LHFPL3: variants seen among roughly 807,000 people sequenced by gnomAD.
LHFPL3 encodes the protein LHFPL tetraspan subfamily member 3.
A neutral mutation model predicts 19.3 loss-of-function variants in LHFPL3; 5 were observed. That is an observed-to-expected ratio of 0.26 (90% CI 0.14 to 0.54). The LOEUF (loss-of-function observed/expected upper bound fraction) is 0.54, where lower values mean the gene tolerates loss of function less well. Ranked by LOEUF, LHFPL3 falls within the 20% of genes least tolerant of loss-of-function variation. The probability of loss-of-function intolerance (pLI) is 0.94; values close to 1 mark genes in which losing one functional copy is unlikely to be tolerated. For missense variants in LHFPL3, 249 were observed against 307.4 expected, an observed-to-expected ratio of 0.81 and a Z score of 1.42; for synonymous variants, 133 against 126.2, an observed-to-expected ratio of 1.05 and a Z score of -0.36.
At chr7:104,775,253 A>G (rs4236577) in intron 2 of LHFPL3, among the ~76,000 whole-genome samples, 122,804 of 151,612 alleles carry the variant, frequency 0.81, 49,864 homozygotes, top group East Asian at 0.88. Flanking sequence ...AAAATTAGCC[A>G]GGCATTGTGG....
intron 1 of LHFPL3, among the ~76,000 whole-genome samples, chr7:104,439,953 A>AACC (rs1410371228): frequency 6.6e-6 from 1 of 150,902 alleles, no homozygotes; most frequent in Non-Finnish European, 1.5e-5. Context: ...AAGGAGCTAC[A>AACC]ACCACCACCA....
At chr7:104,576,783 A>G (rs1487172566) in intron 1 of LHFPL3, among the ~76,000 whole-genome samples, 2 of 152,202 alleles carry the variant, frequency 1.3e-5, no homozygotes, top group African/African-American at 4.8e-5. Flanking sequence ...AGTTATGGCT[A>G]TAAACAAATC....
chr7:104,543,834 G>A (rs982266673), intron 1 of LHFPL3, among the ~76,000 whole-genome samples: 1 of 150,528 alleles, frequency 6.6e-6, no homozygotes, highest in Non-Finnish European at 1.5e-5. Context: ...GTTAACGGGT[G>A]CAGCACACCA....
At chr7:104,691,374 T>C (rs1488256894) in intron 1 of LHFPL3, among the ~76,000 whole-genome samples, 1 of 152,120 alleles carries the variant, frequency 6.6e-6, no homozygotes, top group Non-Finnish European at 1.5e-5. Flanking sequence ...CTATGATCAG[T>C]TGACAGAGGG....
intron 1 of LHFPL3, among the ~76,000 whole-genome samples, chr7:104,525,940 G>A (rs1562925859): frequency 6.6e-6 from 1 of 151,894 alleles, no homozygotes; most frequent in Non-Finnish European, 1.5e-5. Flanking sequence ...TCTCTCCTTG[G>A]CTTTATCCTA....
rs1215896857 is a variant in LHFPL3, at chr7:104,751,146, C to T, written c.682+14235C>T. Among the ~76,000 whole-genome samples the T allele has an allele frequency of 4.0e-5, 3 of 75,280 alleles. 1 individual carries two copies. Among genetic ancestry groups the T allele is most frequent in the Non-Finnish European group, 8.0e-5 (3 of 37,698 alleles). 49.4% of individuals were successfully genotyped at this position (75,280 alleles called of 152,430 possible). On this transcript the variant is annotated intron_variant, in intron 2 of 2. Coordinates refer to ENST00000424859, the MANE Select transcript of LHFPL3 (RefSeq NM_199000.3). Reference sequence around the variant, plus strand: ...CATAGCTCCTCCGATTCAATCCAGGCTTTTACATATTCTGAGATTACATCT... The same window carrying T: ...CATAGCTCCTCCGATTCAATCCAGGTTTTTACATATTCTGAGATTACATCT...
At chr7:104,496,803 G>C (rs991765750) in intron 1 of LHFPL3, among the ~76,000 whole-genome samples, 2 of 152,152 alleles carry the variant, frequency 1.3e-5, no homozygotes, top group Non-Finnish European at 2.9e-5. Flanking sequence ...CAGATGTTAG[G>C]AGCACTGCAC....
At chr7:104,682,051 C>CA (rs1390146288) in intron 1 of LHFPL3, among the ~76,000 whole-genome samples, 2 of 152,092 alleles carry the variant, frequency 1.3e-5, no homozygotes, top group South Asian at 2.1e-4. Flanking sequence ...TTAATACTTA[C>CA]AAAAAAAGCC....
intron 1 of LHFPL3, among the ~76,000 whole-genome samples, chr7:104,522,727 T>G (rs926397066): frequency 2.0e-5 from 3 of 152,062 alleles, no homozygotes; most frequent in African/African-American, 7.2e-5. Flanking sequence ...CTCCAGTTCA[T>G]GTAAAGAGGA....
chr7:104,614,603 C>A (rs545977229), intron 1 of LHFPL3, among the ~76,000 whole-genome samples: 41 of 120,636 alleles, frequency 3.4e-4, no homozygotes, highest in African/African-American at 1.4e-3. Flanking sequence ...CTTCTCTTCT[C>A]TTCTCTTCTC....
intron 2 of LHFPL3, among the ~76,000 whole-genome samples, chr7:104,747,492 A>C (rs1026824787): frequency 6.6e-6 from 1 of 152,246 alleles, no homozygotes; most frequent in African/African-American, 2.4e-5. Flanking sequence ...ATTTAGTGCT[A>C]GTAGGTTTGT....
At chr7:104,562,998 G>C (rs1466622938) in intron 1 of LHFPL3, among the ~76,000 whole-genome samples, 1 of 152,180 alleles carries the variant, frequency 6.6e-6, no homozygotes, top group Non-Finnish European at 1.5e-5. Flanking sequence ...CTGCTCGGGG[G>C]TCAGGGGTCA....
At chr7:104,492,593 A>G (rs1793379834) in intron 1 of LHFPL3, among the ~76,000 whole-genome samples, 1 of 152,246 alleles carries the variant, frequency 6.6e-6, no homozygotes, top group South Asian at 2.1e-4. Flanking sequence ...GGAACTTCAC[A>G]AATATTGTAC....
intron 1 of LHFPL3, among the ~76,000 whole-genome samples, chr7:104,671,583 AAAAG>A (rs61568555): frequency 6.7e-6 from 1 of 150,306 alleles, no homozygotes; most frequent in Non-Finnish European, 1.5e-5. Context: ...AAAAAAAAAA[AAAAG>A]AAAGAAATAC....
intron 2 of LHFPL3, among the ~76,000 whole-genome samples, chr7:104,808,399 C>A (rs948936834): frequency 9.2e-5 from 14 of 152,172 alleles, no homozygotes; most frequent in Admixed American, 7.9e-4. Context: ...GGTCATTCAG[C>A]TAGAAACTGT....
At chr7:104,709,852 C>A (rs113225802) in intron 1 of LHFPL3, among the ~76,000 whole-genome samples, 17,420 of 150,672 alleles carry the variant, frequency 0.12, 1,192 homozygotes, top group Non-Finnish European at 0.15. Context: ...GGCGGCCGGG[C>A]AGAGGGGCTC....
intron 2 of LHFPL3, among the ~76,000 whole-genome samples, chr7:104,819,720 C>T (rs182859241): frequency 1.3e-5 from 2 of 152,284 alleles, no homozygotes; most frequent in Admixed American, 1.3e-4. Context: ...TTTGGGATTC[C>T]AGTCGCTTTA....
intron 1 of LHFPL3, among the ~76,000 whole-genome samples, chr7:104,394,857 C>T (rs916137678): frequency 2.0e-5 from 3 of 151,896 alleles, no homozygotes; most frequent in East Asian, 3.9e-4. Flanking sequence ...CCCACCACCG[C>T]GTCAGGATAA....
At chr7:104,804,263 C>T (rs1369317839) in intron 2 of LHFPL3, among the ~76,000 whole-genome samples, 1 of 152,224 alleles carries the variant, frequency 6.6e-6, no homozygotes, top group Non-Finnish European at 1.5e-5. Flanking sequence ...CACTTTTCGA[C>T]ATCTGGGGCT....
Sources: allele counts gnomAD v4.1 joint callset (sites outside exome capture counted in the v4.1 genomes callset), GRCh38; gene constraint gnomAD v4.1.1; transcripts MANE v1.5; gene names NCBI Gene and HGNC (gene_info 2026-07-23, HGNC 2026-07-21).